The following MAST4 variants were observed in gnomAD, a reference collection of about 807,000 sequenced individuals.
MAST4 encodes the protein microtubule-associated serine/threonine-protein kinase 4.
In MAST4, 89 loss-of-function variants were observed where a neutral mutation model predicts 162.7. The observed-to-expected ratio is 0.55, with a 90% CI of 0.46 to 0.65. MAST4 has a LOEUF of 0.65. Ranked by LOEUF, MAST4 falls within the 30% of genes least tolerant of loss-of-function variation. The pLI is 0.00. For synonymous variants in MAST4, 1,479 were observed against 1,361.1 expected (o/e 1.09, Z -1.91); for missense variants, 3,153 against 3,374.0 (o/e 0.93, Z 1.62).
At chr5:67,108,069 A>C (rs1765795954) in intron 10 of MAST4, among the ~76,000 whole-genome samples, 2 of 152,186 alleles carry the variant, frequency 1.3e-5, no homozygotes, top group South Asian at 4.1e-4. Flanking sequence ...TGTTTGAGTT[A>C]ATGTAAATTA....
intron 26 of MAST4, among the ~76,000 whole-genome samples, chr5:67,156,204 T>C (rs1742688533): frequency 6.6e-6 from 1 of 152,122 alleles, no homozygotes; most frequent in Non-Finnish European, 1.5e-5. Context: ...GCTATAAATA[T>C]AAATGTTCCC....
chr5:66,717,242 G>A (rs1290757348), intron 1 of MAST4, among the ~76,000 whole-genome samples: 11 of 152,082 alleles, frequency 7.2e-5, no homozygotes, highest in Non-Finnish European at 1.6e-4. Context: ...TTCATTCCTG[G>A]CAAAAATGCT....
intron 4 of MAST4, among the ~76,000 whole-genome samples, chr5:66,907,099 T>C (rs1003834794): frequency 2.2e-4 from 33 of 148,474 alleles, no homozygotes; most frequent in Middle Eastern, 3.4e-3. Flanking sequence ...TGTGGACATA[T>C]AGAAGGGTGG....
At chr5:66,994,321 A>G (rs903100272) in intron 4 of MAST4, among the ~76,000 whole-genome samples, 3 of 152,060 alleles carry the variant, frequency 2.0e-5, no homozygotes, top group African/African-American at 7.2e-5. Context: ...CCACTTTTAA[A>G]TGGGATTTGC....
intron 3 of MAST4, among the ~76,000 whole-genome samples, chr5:66,793,529 G>A (rs1755517246): frequency 2.0e-5 from 3 of 152,188 alleles, no homozygotes; most frequent in Admixed American, 2.0e-4. Context: ...GGCAAAAGCA[G>A]GACCAGTGGC....
intron 4 of MAST4, among the ~76,000 whole-genome samples, chr5:66,968,726 A>T (rs1020034227): frequency 2.0e-5 from 3 of 152,194 alleles, no homozygotes; most frequent in Non-Finnish European, 4.4e-5. Context: ...GCACCTTGAG[A>T]AAAAGGACTT....
rs374721230 is a variant in MAST4, at chr5:66,658,234, A to G, written c.363+61216A>G. 7.2e-5 allele frequency among the ~76,000 whole-genome samples: 11 copies of G among 152,336 alleles called. No individual in the cohort carries two copies. In the South Asian group the frequency reaches 1.0e-3, roughly 14 times the overall value. Reference sequence around the variant, plus strand: ...TGCATCATAAAAATATATAGGTTACATAGTTGGCTTTTAGGCATAATTATG... The same window carrying G: ...TGCATCATAAAAATATATAGGTTACGTAGTTGGCTTTTAGGCATAATTATG... On this transcript the variant is annotated intron_variant, in intron 1 of 28. Transcript: ENST00000403625.
Position 66,922,504 on chromosome 5 carries a change from T to TTTAATATAGTGGGG in MAST4, c.674+22522_674+22523insTTAATATAGTGGGG, listed in dbSNP as rs1764604447. Among the ~76,000 whole-genome samples the TTTAATATAGTGGGG allele has an allele frequency of 3.3e-5, 5 of 152,338 alleles. No homozygotes were observed. The South Asian group carries it at 1.0e-3, about 32-fold the overall frequency. On this transcript the variant is annotated intron_variant, in intron 4 of 28. Coordinates refer to ENST00000403625, the MANE Select transcript of MAST4 (RefSeq NM_001164664.2). ...GTTATGAATCCCCACAATACTTGTG[T>TTTAATATAGTGGGG]ACATCTAAATGTTTAAATGTCAACC...
intron 2 of MAST4, among the ~76,000 whole-genome samples, chr5:66,769,665 T>C (rs926779394): frequency 1.3e-5 from 2 of 152,180 alleles, no homozygotes; most frequent in African/African-American, 4.8e-5. Context: ...ATACCTAACG[T>C]AGAAAAGGTC....
At chr5:66,968,462 G>A (rs1428843944) in intron 4 of MAST4, among the ~76,000 whole-genome samples, 1 of 152,116 alleles carries the variant, frequency 6.6e-6, no homozygotes, top group African/African-American at 2.4e-5. Context: ...GTAGGATATA[G>A]TACTACTTCC....
chr5:67,042,598 G>A lies in MAST4; in HGVS notation c.675-11806G>A, dbSNP rs551206838. Among the ~76,000 whole-genome samples the A allele has an allele frequency of 8.6e-5, 13 of 151,686 alleles. No homozygotes were observed. In the South Asian group the frequency reaches 2.7e-3, roughly 32 times the overall value. ...AGAGACTACTTCCCTTTTCGTGTTA[G>A]AAACAAATAGTAGGGACCAAGCACT... On this transcript the variant is annotated intron_variant, in intron 4 of 28. Transcript: ENST00000403625.
chr5:66,995,743 G>T (rs943392604), intron 4 of MAST4, among the ~76,000 whole-genome samples: 3 of 152,026 alleles, frequency 2.0e-5, no homozygotes, highest in African/African-American at 7.2e-5. Context: ...TAGCACAGTG[G>T]CTCATATGTG....
intron 1 of MAST4, among the ~76,000 whole-genome samples, chr5:66,697,698 T>C (rs777409602): frequency 1.3e-5 from 2 of 152,244 alleles, no homozygotes; most frequent in South Asian, 2.1e-4. Context: ...TTCACCATTA[T>C]GCTAACATGT....
intron 5 of MAST4, among the ~76,000 whole-genome samples, chr5:67,065,304 C>G (rs1055844129): frequency 6.6e-6 from 1 of 152,150 alleles, no homozygotes; most frequent in African/African-American, 2.4e-5. Context: ...GTTTCGGTGA[C>G]CGTCACAGTG....
At chr5:67,056,554 A>G (rs7711937) in intron 5 of MAST4, among the ~76,000 whole-genome samples, 271 of 152,324 alleles carry the variant, frequency 1.8e-3, no homozygotes, top group African/African-American at 6.3e-3. Context: ...GAGACGACAG[A>G]ACGTGGTGAA....
intron 1 of MAST4, among the ~76,000 whole-genome samples, chr5:66,679,342 T>C (rs1209445471): frequency 6.6e-6 from 1 of 152,116 alleles, no homozygotes; most frequent in Admixed American, 6.5e-5. Context: ...TTGCATGTGG[T>C]TAAGTGGGGA....
chr5:66,981,359 G>A (rs984030969), intron 4 of MAST4, among the ~76,000 whole-genome samples: 2 of 152,154 alleles, frequency 1.3e-5, no homozygotes, highest in African/African-American at 4.8e-5. Context: ...TCTACTTTAG[G>A]AATGGCTAAT....
intron 3 of MAST4, among the ~76,000 whole-genome samples, chr5:66,863,177 G>A (rs966178631): frequency 6.6e-6 from 1 of 152,092 alleles, no homozygotes; most frequent in Non-Finnish European, 1.5e-5. Flanking sequence ...TAGATATGTG[G>A]GCTTCACAGA....
chr5:66,625,819 A>C (rs897845498), intron 1 of MAST4, among the ~76,000 whole-genome samples: 2 of 152,244 alleles, frequency 1.3e-5, no homozygotes, highest in African/African-American at 4.8e-5. Flanking sequence ...AATCAGGATC[A>C]TAAAGAGATA....
Sources: allele counts gnomAD v4.1 joint callset (sites outside exome capture counted in the v4.1 genomes callset), GRCh38; gene constraint gnomAD v4.1.1; transcripts MANE v1.5; gene names NCBI Gene and HGNC (gene_info 2026-07-23, HGNC 2026-07-21).